HSPG2: variants seen among roughly 807,000 people sequenced by gnomAD.
HSPG2 encodes basement membrane-specific heparan sulfate proteoglycan core protein.
HSPG2 carries 278 observed loss-of-function variants against 526.6 expected under a neutral mutation model. That is an observed-to-expected ratio of 0.53 (90% CI 0.48 to 0.58). The LOEUF (loss-of-function observed/expected upper bound fraction) is 0.58. Ranked by LOEUF, HSPG2 falls within the 20% of genes least tolerant of loss-of-function variation. HSPG2 has a pLI of 0.00. For missense variants in HSPG2, 5,354 were observed against 6,099.5 expected, an observed-to-expected ratio of 0.88 and a Z score of 4.07; for synonymous variants, 2,465 against 2,555.4, an observed-to-expected ratio of 0.96 and a Z score of 1.07.
At chr1:21,854,820 C>T (rs772137429) in intron 48 of HSPG2, 28 bp downstream of exon 48, 1 of 1,613,134 alleles carries the variant, frequency 6.2e-7, no homozygotes, top group East Asian at 2.2e-5. Context: ...TTGCCCTCCC[C>T]ACCCCTCCAT....
chr1:21,853,729 A>G (rs1263339630), intron 50 of HSPG2: 1 of 171,838 alleles, frequency 5.8e-6, no homozygotes, highest in Non-Finnish European at 1.2e-5. Context: ...AGCCTGGGTG[A>G]CAGAGCGAGA....
chr1:21,840,049 G>T (rs1195740937), intron 71 of HSPG2, 32 bp from the exon 72 acceptor site: 1 of 1,595,762 alleles, frequency 6.3e-7, no homozygotes. Context: ...GGTTATGTGG[G>T]GACTCAGTGG....
At chr1:21,900,646 C>G (rs1280684773) in intron 1 of HSPG2, among the ~76,000 whole-genome samples, 2 of 152,052 alleles carry the variant, frequency 1.3e-5, no homozygotes, top group African/African-American at 2.4e-5. Flanking sequence ...GGTACAGATA[C>G]GGAGAGCAGG....
intron 33 of HSPG2, among the ~76,000 whole-genome samples, chr1:21,867,734 TTTTG>T (rs1176491725): frequency 6.6e-6 from 1 of 152,124 alleles, no homozygotes; most frequent in East Asian, 1.9e-4. Context: ...CTATTCTTTT[TTTTG>T]TTTGTTTTTT....
rs568405690 is a variant in HSPG2 at position 21,828,736 on chromosome 1, C to T, written c.12237+99G>A. 80 of 1,510,402 alleles carry T rather than the reference C, an allele frequency of 5.3e-5. No individual in the cohort carries two copies. In the Middle Eastern group the frequency reaches 6.0e-4, roughly 11 times the overall value. The allele number at this position is 1,510,402 out of a possible 1,614,324, so 93.6% of individuals were successfully genotyped here. A position where few individuals can be genotyped will look rare whatever the true frequency, so the allele number is the denominator to read the frequency against. On this transcript the variant is annotated intron_variant, in intron 88 of 96. Coordinates refer to ENST00000374695, the MANE Select transcript of HSPG2 (RefSeq NM_005529.7). This position sits in a 1 kb window ranked among gnomAD's most constrained non-coding sequence, Gnocchi z 6.0. ...CTGGCCCAGGGCCCGTGGGTGGCTG[C>T]AGGTGGAGGGGCCCAATGCCAAGGT...
In HSPG2 at chr1:21,840,017, T is replaced by G. The variant is rs1173666114; in HGVS notation, c.9514A>C (p.Ile3172Leu). ...GCATCTGATGGTTTAGCTGATGAAA[T>G]CTGGGAGAAAGCAAGGAGGCTGGTT... The part of the protein sequence containing the change: ...GLMDSHAVLQ[I>L]SSAKPSDAGT... Residue 3172 changes from isoleucine to leucine, a missense_variant and splice_region_variant, in exon 72 of 97, where the codon ATT (isoleucine) becomes CTT (leucine). Coordinates refer to ENST00000374695, the MANE Select transcript of HSPG2 (RefSeq NM_005529.7). 1.2e-6 allele frequency: 2 copies of G among 1,614,004 alleles called. No homozygotes were observed. The highest frequency in any genetic ancestry group is 1.7e-6 in the Non-Finnish European group (2 of 1,179,994).
chr1:21,923,569 C>T (rs1006178511), intron 1 of HSPG2, among the ~76,000 whole-genome samples: 1 of 152,182 alleles, frequency 6.6e-6, no homozygotes, highest in Non-Finnish European at 1.5e-5. Context: ...CTCCCAGGTC[C>T]TCTCCTCCCA....
chr1:21,890,067 TCC>T lies in HSPG2; in HGVS notation c.486_487del (p.Glu163AspfsTer48). 6.2e-7 allele frequency: 1 copy of T among 1,613,876 alleles called. No homozygotes were observed. Among genetic ancestry groups the T allele is most frequent in the Non-Finnish European group, 8.5e-7 (1 of 1,179,862 alleles). ...GCTGGAGATGACCCTGAGCAGCATC[TCC>T]TGAATCTGAGCCCCATCCGCATTCC... On this transcript the variant is annotated frameshift_variant, in exon 6 of 97. Coordinates refer to ENST00000374695, the MANE Select transcript of HSPG2 (RefSeq NM_005529.7). LOFTEE classifies it high-confidence loss of function. The surrounding 1 kb of genome is among the most constrained non-coding windows in gnomAD (Gnocchi z 4.1).
chr1:21,852,895 G>A, intron 51 of HSPG2, 24 bp downstream of exon 51: 1 of 1,612,176 alleles, frequency 6.2e-7, no homozygotes, highest in South Asian at 1.1e-5. Context: ...CCTCCAGCAA[G>A]GTGGTCCCGG....
chr1:21,878,532 C>T (rs1030766007), intron 19 of HSPG2, 41 bp from the exon 20 acceptor site: 2 of 1,613,792 alleles, frequency 1.2e-6, no homozygotes, highest in Non-Finnish European at 1.7e-6. Flanking sequence ...TTCCATGACC[C>T]CACCCAGGAG....
At position 21,873,923 on chromosome 1, in the gene HSPG2, A is replaced by G. The variant is rs1227155543; in HGVS notation, c.3743+2T>C. The G allele has an allele frequency of 1.3e-6, 2 of 1,580,810 alleles. No homozygotes were observed. The highest frequency in any genetic ancestry group is 2.3e-5 in the South Asian group (2 of 86,370). ...CCCCACCCTCTCCACCCCCTGCCTCACCTCTCACAGTGACGCCCACTGTGG... is the reference window on the plus strand; with the variant it reads ...CCCCACCCTCTCCACCCCCTGCCTCGCCTCTCACAGTGACGCCCACTGTGG... On this transcript the variant is annotated splice_donor_variant, in intron 29 of 96. Transcript: ENST00000374695. LOFTEE classifies it high-confidence loss of function.
rs1366398293 is a variant in HSPG2 at position 21,850,502 on chromosome 1, G to A, written c.7159-4C>T. 6.2e-7 allele frequency: 1 copy of A among 1,606,002 alleles called. No homozygotes were observed. The highest frequency in any genetic ancestry group is 1.1e-5 in the South Asian group (1 of 90,290). On this transcript the variant is annotated splice_region_variant and splice_polypyrimidine_tract_variant and intron_variant, in intron 55 of 96. Coordinates refer to ENST00000374695, the MANE Select transcript of HSPG2 (RefSeq NM_005529.7). ...GTCTCAGCAGGGAGCCGTGGGTCTG[G>A]CCAGAATGGGGGTGAGTCAGAGGGA...
chr1:21,861,857 G>A lies in HSPG2; in HGVS notation c.4869-14C>T. On this transcript the variant is annotated splice_polypyrimidine_tract_variant and intron_variant, in intron 38 of 96. Transcript: ENST00000374695. ...GTGCGGGAAAACCTGGGATCGGGGA[G>A]GCAAAGGTCAGGTCATGGGAAGCCC... The A allele has an allele frequency of 6.2e-7, 1 of 1,613,640 alleles. No homozygotes were observed. The highest frequency in any genetic ancestry group is 8.5e-7 in the Non-Finnish European group (1 of 1,179,966).
intron 42 of HSPG2, 31 bp from the exon 43 acceptor site, chr1:21,857,416 G>T: frequency 1.3e-6 from 2 of 1,598,692 alleles, no homozygotes; most frequent in Non-Finnish European, 8.6e-7. Flanking sequence ...CCTGTGAGCC[G>T]GTGCTGGCTA....
chr1:21,840,114 G>C (rs1414976680), intron 71 of HSPG2, 97 bp from the exon 72 acceptor site: 2 of 912,336 alleles, frequency 2.2e-6, no homozygotes, highest in African/African-American at 3.3e-5. Flanking sequence ...CCTCTACCCT[G>C]CCTTGGTATC....
intron 1 of HSPG2, among the ~76,000 whole-genome samples, chr1:21,896,661 G>A (rs763864457): frequency 1.1e-4 from 16 of 152,170 alleles, no homozygotes; most frequent in Non-Finnish European, 1.6e-4. Flanking sequence ...GGATGCGGGC[G>A]GGTAAAGGGG....
Position 21,839,261 on chromosome 1 carries a change from C to T in HSPG2, c.9889+110G>A, listed in dbSNP as rs2098039103. On this transcript the variant is annotated intron_variant, in intron 73 of 96. Coordinates refer to ENST00000374695, the MANE Select transcript of HSPG2 (RefSeq NM_005529.7). The surrounding 1 kb of genome is among the most constrained non-coding windows in gnomAD (Gnocchi z 4.5). ...GGGCAGGGCAGGCTCCAGGACCCTG[C>T]AGCGCCTGGAGACCTCTGGATGGGG... 2 of 1,457,168 alleles carry T rather than the reference C, an allele frequency of 1.4e-6. No homozygotes were observed. The highest frequency in any genetic ancestry group is 1.4e-5 in the African/African-American group (1 of 71,996). 90.3% of individuals were successfully genotyped at this position (1,457,168 alleles called of 1,614,324 possible).
chr1:21,878,744 TACACAG>T (rs1557770768), intron 18 of HSPG2, 81 bp from the exon 19 acceptor site: 22 of 1,357,932 alleles, frequency 1.6e-5, no homozygotes, highest in Non-Finnish European at 2.3e-5. Flanking sequence ...GACTGCTGTC[TACACAG>T]ACACAGTGTG....
chr1:21,894,064 A>C (rs1642569466), intron 3 of HSPG2, among the ~76,000 whole-genome samples: 1 of 152,056 alleles, frequency 6.6e-6, no homozygotes, highest in African/African-American at 2.4e-5. Flanking sequence ...CATGCCGACA[A>C]GGGTCAGAGC....
Sources: gnomAD v4.1 joint callset for allele counts (sites outside exome capture counted in the v4.1 genomes callset) on GRCh38, gnomAD v4.1.1 for gene constraint, Gnocchi (gnomAD v3.1) non-coding constraint, MANE v1.5 for transcripts, NCBI Gene and HGNC (gene_info 2026-07-23, HGNC 2026-07-21) for gene names.